Variants in ABCC8 observed in about 807,000 individuals in gnomAD.
ABCC8 encodes the protein ATP-binding cassette sub-family C member 8.
ABCC8 carries 137 observed loss-of-function variants against 188.0 expected under a neutral mutation model. The ratio of observed to expected loss-of-function variants is 0.73; its 90% confidence interval spans 0.63 to 0.84. The LOEUF (loss-of-function observed/expected upper bound fraction) is 0.84. ABCC8 is among the 40% of genes least tolerant of loss of function. ABCC8 has a pLI of 0.00. For synonymous variants in ABCC8, 797 were observed against 846.5 expected (o/e 0.94, Z 1.01); for missense variants, 1,750 against 2,072.7 (o/e 0.84, Z 3.02).
chr11:17,475,776 A>G (rs189042873), intron 1 of ABCC8, among the ~76,000 whole-genome samples: 3 of 152,350 alleles, frequency 2.0e-5, no homozygotes, highest in African/African-American at 7.2e-5. Flanking sequence ...GCTGTATATG[A>G]ATTTTAAGAT....
rs762172875 is a variant in ABCC8, at chr11:17,394,341, G to A, written c.4470C>T (p.Cys1490=). 2.5e-6 allele frequency: 4 copies of A among 1,614,092 alleles called. No homozygotes were observed. The highest frequency in any genetic ancestry group is 1.3e-5 in the African/African-American group (1 of 75,058). Residue 1490 remains cysteine, a synonymous_variant, in exon 37 of 39, where the codon TGC becomes TGT. Transcript: ENST00000389817. ...NFSQGQRQLF[C]LARAFVRKTS... Reference sequence around the variant, plus strand: ...TCTTCCTCACGAAGGCCCGGGCCAGGCAGAACAGCTGCCTCTGTCCCTGGC... The same window carrying A: ...TCTTCCTCACGAAGGCCCGGGCCAGACAGAACAGCTGCCTCTGTCCCTGGC...
At chr11:17,409,749 T>C (rs1286034643) in intron 22 of ABCC8, among the ~76,000 whole-genome samples, 2 of 152,222 alleles carry the variant, frequency 1.3e-5, no homozygotes, top group Non-Finnish European at 2.9e-5. Flanking sequence ...ATGATCTCCA[T>C]CTTAAAAATT....
rs774744232 is a variant in ABCC8, at chr11:17,407,139, G to A, written c.2921-10C>T. On this transcript the variant is annotated splice_polypyrimidine_tract_variant and intron_variant, in intron 24 of 38. Transcript: ENST00000389817. Reference sequence around the variant, plus strand: ...CTCTCAGCTGCCTCCTCTGCAGGCCGCAAGAACCCACTCTGTGGCTACACA... The same window carrying A: ...CTCTCAGCTGCCTCCTCTGCAGGCCACAAGAACCCACTCTGTGGCTACACA... 25 of 1,607,748 alleles carry A rather than the reference G, an allele frequency of 1.6e-5. No individual in the cohort carries two copies. The highest frequency in any genetic ancestry group is 6.7e-5 in the East Asian group (3 of 44,738).
chr11:17,439,346 G>T (rs933111306), intron 10 of ABCC8, among the ~76,000 whole-genome samples: 2 of 152,110 alleles, frequency 1.3e-5, no homozygotes, highest in African/African-American at 4.8e-5. Flanking sequence ...CTGCCCAGAA[G>T]TCTGATGGTG....
At chr11:17,440,833 C>T (rs1342248767) in intron 10 of ABCC8, among the ~76,000 whole-genome samples, 1 of 152,208 alleles carries the variant, frequency 6.6e-6, no homozygotes, top group African/African-American at 2.4e-5. Flanking sequence ...TTTCCCCAGT[C>T]CCCTAGACAG....
intron 11 of ABCC8, among the ~76,000 whole-genome samples, chr11:17,431,436 C>A (rs982790768): frequency 2.0e-5 from 3 of 152,248 alleles, no homozygotes; most frequent in African/African-American, 7.2e-5. Context: ...CAATACATCA[C>A]ATTGGAAGTG....
chr11:17,456,380 G>A (rs1022992052), intron 6 of ABCC8, among the ~76,000 whole-genome samples: 5 of 152,158 alleles, frequency 3.3e-5, no homozygotes, highest in African/African-American at 1.2e-4. Context: ...TGCAGAGGTA[G>A]GACTAAAACC....
In ABCC8 at chr11:17,428,275, G is replaced by T. The variant is rs758392763; in HGVS notation, c.2040+14C>A. 1.4e-5 allele frequency: 23 copies of T among 1,613,934 alleles called. No homozygotes were observed. In the Admixed American group the frequency reaches 3.8e-4, roughly 27 times the overall value. On this transcript the variant is annotated intron_variant, in intron 14 of 38. Coordinates refer to ENST00000389817, the MANE Select transcript of ABCC8 (RefSeq NM_000352.6). ...TTGGTGCTGGGTGGCCAGGCATGGG[G>T]CAGCAGGACTCACCTGGACACAGCA...
intron 36 of ABCC8, chr11:17,394,970 A>T (rs1215694079): frequency 4.6e-6 from 3 of 654,890 alleles, no homozygotes; most frequent in Non-Finnish European, 7.9e-6. Flanking sequence ...GAGGAGCCAG[A>T]CCCTGAACTG....
At chr11:17,450,268 TTCTTTC>T (rs1956723084) in intron 7 of ABCC8, among the ~76,000 whole-genome samples, 1 of 106,652 alleles carries the variant, frequency 9.4e-6, no homozygotes, top group Admixed American at 8.6e-5. Context: ...TTCTCTTTCT[TTCTTTC>T]TTTCTTTCTT....
rs1237797061 is a variant in ABCC8, at chr11:17,454,339, C to T, written c.1012-1056G>A. ...TTCTCTAAGCCAGCCCTCACTGCTC[C>T]CTGGAGCTGTCTGGTCCTGCTCACC... On this transcript the variant is annotated intron_variant, in intron 6 of 38. Transcript: ENST00000389817. Among the ~76,000 whole-genome samples the T allele has an allele frequency of 2.0e-5, 3 of 152,196 alleles. No homozygotes were observed. The East Asian group carries it at 5.8e-4, about 29-fold the overall frequency.
intron 6 of ABCC8, among the ~76,000 whole-genome samples, chr11:17,454,799 G>GATGTCAAAA (rs1252593996): frequency 2.0e-5 from 3 of 152,178 alleles, no homozygotes; most frequent in Non-Finnish European, 4.4e-5. Context: ...GAACCTGAGT[G>GATGTCAAAA]ATGTCAAAAA....
chr11:17,472,774 A>G (rs1235721656), intron 2 of ABCC8, among the ~76,000 whole-genome samples: 2 of 152,172 alleles, frequency 1.3e-5, no homozygotes, highest in Non-Finnish European at 2.9e-5. Context: ...GGACCGATTC[A>G]TTCCAGTTTC....
At chr11:17,440,689 G>A (rs756832853) in intron 10 of ABCC8, among the ~76,000 whole-genome samples, 1 of 152,256 alleles carries the variant, frequency 6.6e-6, no homozygotes, top group African/African-American at 2.4e-5. Context: ...TATGGCAGAC[G>A]GCCCAGCCAC....
At position 17,461,685 on chromosome 11, in the gene ABCC8, G is replaced by A. The variant is rs757105927; in HGVS notation, c.720C>T (p.Ala240=). The A allele has an allele frequency of 6.2e-7, 1 of 1,614,226 alleles. No individual in the cohort carries two copies. Residue 240 remains alanine, a synonymous_variant, in exon 5 of 39, where the codon GCC becomes GCT. Coordinates refer to ENST00000389817, the MANE Select transcript of ABCC8 (RefSeq NM_000352.6). ...YWWMNAFIKT[A]HKKPIDLRAI... ...CTCGCAAGTCGATGGGCTTCTTGTG[G>A]GCAGTCTTGATGAAGGCGTTCATCC...
chr11:17,395,659 G>A lies in ABCC8; in HGVS notation c.4258C>T (p.Arg1420Cys), dbSNP rs28938469. Residue 1420 changes from arginine (R) to cysteine (C), a missense_variant, in exon 35 of 39, where the codon CGC becomes TGC. Arg to Cys is a radical substitution (Grantham distance 180). Coordinates refer to ENST00000389817, the MANE Select transcript of ABCC8 (RefSeq NM_000352.6). ...AKLPLHTLRS[R>C]LSIILQDPVL... ...GGGTCCTGCAGGATGATGGAGAGGC[G>A]TGAGCGCAGGGTGTGCAGCGGCAGT... The A allele has an allele frequency of 9.0e-6, 14 of 1,561,052 alleles. No individual in the cohort carries two copies. The highest frequency in any genetic ancestry group is 1.1e-5 in the Non-Finnish European group (13 of 1,152,536).
At chr11:17,463,355 C>A (rs2133686324) in intron 4 of ABCC8, 83 bp downstream of exon 4, 1 of 1,181,866 alleles carries the variant, frequency 8.5e-7, no homozygotes, top group Non-Finnish European at 1.2e-6. Flanking sequence ...GGCTGAGAAG[C>A]AGGGTGGGGG....
chr11:17,400,316 G>A (rs1954171287), intron 29 of ABCC8, among the ~76,000 whole-genome samples: 1 of 152,152 alleles, frequency 6.6e-6, no homozygotes, highest in South Asian at 2.1e-4. Context: ...TGTTGAAAAT[G>A]TGTGTGCATC....
At chr11:17,420,757 C>T (rs562408190) in intron 16 of ABCC8, among the ~76,000 whole-genome samples, 20 of 152,290 alleles carry the variant, frequency 1.3e-4, no homozygotes, top group African/African-American at 4.6e-4. Flanking sequence ...GCTGACCCCC[C>T]GGGGGCATTT....
Sources: gnomAD v4.1 joint callset for allele counts (sites outside exome capture counted in the v4.1 genomes callset) on GRCh38, gnomAD v4.1.1 for gene constraint, MANE v1.5 for transcripts, NCBI Gene and HGNC (gene_info 2026-07-23, HGNC 2026-07-21) for gene names.